Variants in TCEA3 observed in about 807,000 individuals in gnomAD.
The protein encoded by TCEA3 is transcription elongation factor A protein 3.
A neutral mutation model predicts 44.0 loss-of-function variants in TCEA3; 36 were observed. The observed-to-expected ratio is 0.82, with a 90% CI of 0.63 to 1.08. TCEA3 has a LOEUF of 1.08. TCEA3 is among the 50% of genes least tolerant of loss of function. The pLI, the probability that TCEA3 is intolerant of heterozygous loss-of-function variation, is 0.00. For missense variants in TCEA3, 392 were observed against 441.2 expected (o/e 0.89, Z 1.00); for synonymous variants, 162 against 159.7 (o/e 1.01, Z -0.11).
At chr1:23,421,520 C>A (rs1640066432) in intron 1 of TCEA3, among the ~76,000 whole-genome samples, 1 of 152,044 alleles carries the variant, frequency 6.6e-6, no homozygotes, top group African/African-American at 2.4e-5. Context: ...AAAAAACTGA[C>A]CTGTAGTGTT....
chr1:23,421,294 CAAGA>C (rs1640058294), intron 1 of TCEA3, among the ~76,000 whole-genome samples: 2 of 152,204 alleles, frequency 1.3e-5, no homozygotes, highest in East Asian at 3.9e-4. Flanking sequence ...AAGAGCAATC[CAAGA>C]AAGAGAGAGG....
chr1:23,411,890 G>A (rs1639717072), intron 4 of TCEA3, among the ~76,000 whole-genome samples: 1 of 152,180 alleles, frequency 6.6e-6, no homozygotes, highest in Non-Finnish European at 1.5e-5. Flanking sequence ...GCTATGCAAG[G>A]CCACAAGTTA....
intron 1 of TCEA3, 141 bp from the exon 2 acceptor site, chr1:23,419,280 G>C: frequency 1.7e-6 from 1 of 571,480 alleles, no homozygotes; most frequent in South Asian, 3.2e-5. Context: ...AGGAAGGAGA[G>C]AGACGAGAAA....
At chr1:23,404,235 T>A (rs1391958220) in intron 5 of TCEA3, 1 of 700,294 alleles carries the variant, frequency 1.4e-6, no homozygotes, top group Non-Finnish European at 2.6e-6. Context: ...CCTGTCAACA[T>A]GGTATCCTCC....
chr1:23,408,879 C>T (rs532463328), intron 4 of TCEA3, among the ~76,000 whole-genome samples, 153 bp from the exon 5 acceptor site: 6 of 152,178 alleles, frequency 3.9e-5, no homozygotes, highest in African/African-American at 1.2e-4. Flanking sequence ...GAGCTCCAGG[C>T]GGTGCCGGCT....
At chr1:23,418,048 A>T (rs1262287321) in intron 2 of TCEA3, 39 bp from the exon 3 acceptor site, 1 of 1,590,388 alleles carries the variant, frequency 6.3e-7, no homozygotes, top group African/African-American at 1.3e-5. Context: ...CTGGGAATGG[A>T]TACACAGGAA....
intron 10 of TCEA3, 185 bp downstream of exon 10, chr1:23,384,161 A>C: frequency 7.1e-7 from 1 of 1,407,516 alleles, no homozygotes; most frequent in South Asian, 1.7e-5. Flanking sequence ...GAAAACATGC[A>C]TGTGTGTTCT....
intron 8 of TCEA3, among the ~76,000 whole-genome samples, chr1:23,392,331 T>C (rs910772166): frequency 2.5e-4 from 7 of 28,290 alleles, no homozygotes; most frequent in Admixed American, 8.5e-4. Context: ...ATACTTCACA[T>C]GACATCATAC....
At chr1:23,406,112 C>T (rs1639537049) in intron 5 of TCEA3, among the ~76,000 whole-genome samples, 1 of 152,202 alleles carries the variant, frequency 6.6e-6, no homozygotes, top group Admixed American at 6.5e-5. Context: ...GCCTGACCCA[C>T]ATCAGACATT....
chr1:23,397,725 T>C lies in TCEA3; in HGVS notation c.607+67A>G, dbSNP rs931714879. 4 of 1,610,820 alleles carry C rather than the reference T, an allele frequency of 2.5e-6. No individual in the cohort carries two copies. The African/African-American group carries it at 4.0e-5, about 16-fold the overall frequency. On this transcript the variant is annotated intron_variant, in intron 6 of 10. Transcript: ENST00000450454. ...GGGTGCTGAGAAAGACTGAATTTCA[T>C]CTGCCCTCAGTGAGATTGGGAAAAG...
intron 8 of TCEA3, among the ~76,000 whole-genome samples, chr1:23,393,239 T>C (rs915654293): frequency 2.6e-5 from 4 of 152,110 alleles, no homozygotes; most frequent in Non-Finnish European, 4.4e-5. Flanking sequence ...AGGCTGTAAA[T>C]ACAGATGAAG....
chr1:23,418,169 T>C (rs914544938), intron 2 of TCEA3, 160 bp from the exon 3 acceptor site: 19 of 661,972 alleles, frequency 2.9e-5, no homozygotes, highest in Non-Finnish European at 4.0e-5. Flanking sequence ...ACCCCACTAC[T>C]GTAACTAAGG....
At chr1:23,384,817 C>T (rs554172871) in intron 9 of TCEA3, among the ~76,000 whole-genome samples, 44 of 152,170 alleles carry the variant, frequency 2.9e-4, no homozygotes, top group African/African-American at 1.0e-3. Context: ...CAGGCGCCCG[C>T]CACCACGCCC....
At chr1:23,383,267 G>A (rs943117079) in intron 10 of TCEA3, among the ~76,000 whole-genome samples, 21 of 127,580 alleles carry the variant, frequency 1.6e-4, no homozygotes, top group African/African-American at 5.8e-5. Flanking sequence ...GCAACAGAGC[G>A]AGACTCCATC....
intron 4 of TCEA3, among the ~76,000 whole-genome samples, chr1:23,411,697 A>C (rs116789361): frequency 0.012 from 1,797 of 152,304 alleles, 42 homozygotes; most frequent in African/African-American, 0.04. Flanking sequence ...TGGGAAACCA[A>C]GGCCAAAGGA....
intron 8 of TCEA3, among the ~76,000 whole-genome samples, chr1:23,390,820 T>C (rs375881821): frequency 6.6e-6 from 1 of 152,278 alleles, no homozygotes; most frequent in East Asian, 1.9e-4. Flanking sequence ...AGCCCTGTGA[T>C]GTACCAGACA....
intron 8 of TCEA3, among the ~76,000 whole-genome samples, chr1:23,392,683 TCACA>T (rs1316947632): frequency 1.5e-5 from 1 of 65,042 alleles, no homozygotes; most frequent in Non-Finnish European, 3.2e-5. Flanking sequence ...ACTCCACACA[TCACA>T]CACACACACT....
At chr1:23,383,062 G>A (rs574423039) in intron 10 of TCEA3, among the ~76,000 whole-genome samples, 8 of 152,212 alleles carry the variant, frequency 5.3e-5, no homozygotes, top group East Asian at 1.9e-4. Flanking sequence ...GGCGGATCAC[G>A]AGGTCAGGAG....
chr1:23,397,323 G>A (rs765737841), intron 7 of TCEA3, among the ~76,000 whole-genome samples: 1 of 152,218 alleles, frequency 6.6e-6, no homozygotes, highest in African/African-American at 2.4e-5. Flanking sequence ...CTGTGGGGTT[G>A]TTATCAACAC....
Sources: gnomAD v4.1 joint callset for allele counts (sites outside exome capture counted in the v4.1 genomes callset) on GRCh38, gnomAD v4.1.1 for gene constraint, MANE v1.5 for transcripts, NCBI Gene and HGNC (gene_info 2026-07-23, HGNC 2026-07-21) for gene names.